The following SV2B variants were observed in gnomAD, a reference collection of about 807,000 sequenced individuals.
SV2B encodes the protein synaptic vesicle glycoprotein 2B.
Under a neutral mutation model 73.9 loss-of-function variants are expected in SV2B, and 41 were observed. The observed-to-expected ratio is 0.56, with a 90% CI of 0.43 to 0.72. The LOEUF is 0.72. Among genes scored for constraint, SV2B ranks in the 30% least tolerant of loss-of-function variants. The probability of loss-of-function intolerance (pLI) is 0.00; values close to 1 mark genes in which losing one functional copy is unlikely to be tolerated. For synonymous variants in SV2B, 314 were observed against 314.2 expected (o/e 1.00, Z 0.01); for missense variants, 764 against 857.8 (o/e 0.89, Z 1.37).
At position 91,122,614 on chromosome 15, in the gene SV2B, G is replaced by A. The variant is rs1348084230; in HGVS notation, c.-392+22251G>A. On this transcript the variant is annotated intron_variant, in intron 1 of 12. Coordinates refer to ENST00000394232, the MANE Select transcript of SV2B (RefSeq NM_001323032.3). This position sits in a 1 kb window ranked among gnomAD's most constrained non-coding sequence, Gnocchi z 4.3. Reference sequence around the variant, plus strand: ...TTGTCTGAGTGATTTAACAAAACTGGACGTTCCATTAAGATACTTTGCACC... The same window carrying A: ...TTGTCTGAGTGATTTAACAAAACTGAACGTTCCATTAAGATACTTTGCACC... 6.6e-6 allele frequency among the ~76,000 whole-genome samples: 1 copy of A among 152,144 alleles called. No homozygotes were observed. The highest frequency in any genetic ancestry group is 1.5e-5 in the Non-Finnish European group (1 of 68,028).
Position 91,258,324 on chromosome 15 carries a change from T to C in SV2B, c.785-97T>C, listed in dbSNP as rs1269909114. On this transcript the variant is annotated intron_variant, in intron 4 of 12. Transcript: ENST00000394232. The surrounding 1 kb of genome is among the most constrained non-coding windows in gnomAD (Gnocchi z 4.7). ...TAACCACCTCCCCGGGTGACTCTCT[T>C]GTGCCCTGAAGTTTGTGAGCCAGGG... 2.0e-6 allele frequency: 3 copies of C among 1,535,548 alleles called. No individual in the cohort carries two copies. The highest frequency in any genetic ancestry group is 2.6e-6 in the Non-Finnish European group (3 of 1,138,254).
At chr15:91,162,278 G>A (rs887684234) in intron 1 of SV2B, among the ~76,000 whole-genome samples, 17 of 152,022 alleles carry the variant, frequency 1.1e-4, no homozygotes, top group African/African-American at 4.1e-4. Flanking sequence ...GATACAGTAA[G>A]GCAATTGCAT....
At chr15:91,127,462 G>A (rs1007587179) in intron 1 of SV2B, among the ~76,000 whole-genome samples, 1 of 151,974 alleles carries the variant, frequency 6.6e-6, no homozygotes, top group African/African-American at 2.4e-5. Context: ...CCAAGCCCCC[G>A]CACTGACGGC....
In SV2B at chr15:91,290,472, A is replaced by G. The variant is rs1440575360; in HGVS notation, c.1868+792A>G. On this transcript the variant is annotated intron_variant, in intron 12 of 12. Transcript: ENST00000394232. This position sits in a 1 kb window ranked among gnomAD's most constrained non-coding sequence, Gnocchi z 4.7. ...AGGAGGACAAATGATTATTATTTGA[A>G]TATGATGTGATTTTACATCTAGGAA... 1.3e-5 allele frequency among the ~76,000 whole-genome samples: 2 copies of G among 152,356 alleles called. No homozygotes were observed. Among genetic ancestry groups the G allele is most frequent in the East Asian group, 1.9e-4 (1 of 5,186 alleles).
At chr15:91,146,943 G>A (rs1359805502) in intron 1 of SV2B, among the ~76,000 whole-genome samples, 1 of 152,128 alleles carries the variant, frequency 6.6e-6, no homozygotes, top group Non-Finnish European at 1.5e-5. Context: ...TGCCTCCTTT[G>A]ATCAAGAGTG....
rs932697449 is a variant in SV2B at position 91,128,018 on chromosome 15, T to C, written c.-392+27655T>C. ...TGCAGAGAAAAACATCCCTCAGGTA[T>C]TTGAACCTATTGCACTGGAGAAAAA... On this transcript the variant is annotated intron_variant, in intron 1 of 12. Transcript: ENST00000394232. This position sits in a 1 kb window ranked among gnomAD's most constrained non-coding sequence, Gnocchi z 4.2. 1.3e-5 allele frequency among the ~76,000 whole-genome samples: 2 copies of C among 152,190 alleles called. No homozygotes were observed. Among genetic ancestry groups the C allele is most frequent in the African/African-American group, 4.8e-5 (2 of 41,442 alleles).
At chr15:91,271,606 C>G (rs2048319112) in intron 9 of SV2B, among the ~76,000 whole-genome samples, 1 of 152,050 alleles carries the variant, frequency 6.6e-6, no homozygotes, top group African/African-American at 2.4e-5. Context: ...AAACCTATAC[C>G]CACTATTATT....
At chr15:91,151,285 C>T (rs528327565) in intron 1 of SV2B, among the ~76,000 whole-genome samples, 1 of 152,316 alleles carries the variant, frequency 6.6e-6, no homozygotes, top group South Asian at 2.1e-4. Flanking sequence ...AGTCAAATTA[C>T]CAGGTGGCTT....
intron 9 of SV2B, among the ~76,000 whole-genome samples, chr15:91,279,467 G>A (rs1253646339): frequency 6.6e-6 from 1 of 152,176 alleles, no homozygotes; most frequent in Non-Finnish European, 1.5e-5. Context: ...TTCATCTTTT[G>A]AACTCTCCTG....
chr15:91,144,749 A>G (rs2043096834), intron 1 of SV2B, among the ~76,000 whole-genome samples: 1 of 152,138 alleles, frequency 6.6e-6, no homozygotes, highest in Admixed American at 6.5e-5. Context: ...ACCTTATTCC[A>G]TGGCACTCAG....
In SV2B at chr15:91,169,204, T is replaced by C. The variant is rs139301138; in HGVS notation, c.-391-56669T>C. On this transcript the variant is annotated intron_variant, in intron 1 of 12. Transcript: ENST00000394232. ...CGTGGTTACTACGCTCCAGGGACCA[T>C]GCCGAGGGTTTTAGATACATTATAT... is the stretch of plus-strand genomic sequence containing the variant. 8.5e-5 allele frequency among the ~76,000 whole-genome samples: 13 copies of C among 152,314 alleles called. 1 individual carries two copies. The highest frequency in any genetic ancestry group is 2.9e-4 in the African/African-American group (12 of 41,570).
Position 91,261,453 on chromosome 15 carries a change from A to T in SV2B, c.1008+1044A>T, listed in dbSNP as rs2047906841. 6.6e-6 allele frequency among the ~76,000 whole-genome samples: 1 copy of T among 152,186 alleles called. No individual in the cohort carries two copies. On this transcript the variant is annotated intron_variant, in intron 6 of 12. Coordinates refer to ENST00000394232, the MANE Select transcript of SV2B (RefSeq NM_001323032.3). This position sits in a 1 kb window ranked among gnomAD's most constrained non-coding sequence, Gnocchi z 4.7. ...ACATGGTTTTCCTAACATGTCTCTA[A>T]TGTTAGAAGCTTGTTTATCCAGTTT...
At chr15:91,209,156 C>G (rs1253975771) in intron 1 of SV2B, among the ~76,000 whole-genome samples, 9 of 125,932 alleles carry the variant, frequency 7.1e-5, no homozygotes, top group Admixed American at 2.7e-4. Flanking sequence ...GAGTCTTGCT[C>G]TGTTGCCCAG....
In SV2B at chr15:91,301,743, G is replaced by T. The variant is rs181867342; in HGVS notation, c.*9191G>T. 6.6e-6 allele frequency among the ~76,000 whole-genome samples: 1 copy of T among 152,314 alleles called. No homozygotes were observed. The highest frequency in any genetic ancestry group is 1.9e-4 in the East Asian group (1 of 5,188). On this transcript the variant is annotated 3_prime_UTR_variant, in exon 13 of 13. Transcript: ENST00000394232. The surrounding 1 kb of genome is among the most constrained non-coding windows in gnomAD (Gnocchi z 4.3). Reference sequence around the variant, plus strand: ...GTGTTCTGGATTTCCGGTTTTAAAAGATTTTGGGATATTGGCATTATACCT... The same window carrying T: ...GTGTTCTGGATTTCCGGTTTTAAAATATTTTGGGATATTGGCATTATACCT...
At chr15:91,200,863 A>G (rs543861247) in intron 1 of SV2B, among the ~76,000 whole-genome samples, 118 of 152,322 alleles carry the variant, frequency 7.7e-4, no homozygotes, top group African/African-American at 2.7e-3. Context: ...GTGAGCCATG[A>G]TCGTGCCTCT....
At chr15:91,154,718 G>T (rs2043429863) in intron 1 of SV2B, among the ~76,000 whole-genome samples, 1 of 152,172 alleles carries the variant, frequency 6.6e-6, no homozygotes, top group South Asian at 2.1e-4. Flanking sequence ...GATGACAGAA[G>T]TAGAGATTGG....
Position 91,105,579 on chromosome 15 carries a change from G to C in SV2B, c.-392+5216G>C, listed in dbSNP as rs1414950529. 6.6e-6 allele frequency among the ~76,000 whole-genome samples: 1 copy of C among 152,162 alleles called. No homozygotes were observed. The highest frequency in any genetic ancestry group is 2.4e-5 in the African/African-American group (1 of 41,434). On this transcript the variant is annotated intron_variant, in intron 1 of 12. Coordinates refer to ENST00000394232, the MANE Select transcript of SV2B (RefSeq NM_001323032.3). The surrounding 1 kb of genome is among the most constrained non-coding windows in gnomAD (Gnocchi z 5.5). Reference sequence around the variant, plus strand: ...TGTAGACTTTAGCCTTTATTTTGAGGAAAATGGGACACCACTGGAGAATTC... The same window carrying C: ...TGTAGACTTTAGCCTTTATTTTGAGCAAAATGGGACACCACTGGAGAATTC...
At chr15:91,198,605 A>G (rs1241714826) in intron 1 of SV2B, among the ~76,000 whole-genome samples, 5 of 152,218 alleles carry the variant, frequency 3.3e-5, no homozygotes, top group Admixed American at 3.3e-4. Context: ...AATGAGATGC[A>G]GAATATATTA....
intron 1 of SV2B, among the ~76,000 whole-genome samples, chr15:91,159,750 T>C (rs1411821349): frequency 6.6e-6 from 1 of 152,218 alleles, no homozygotes; most frequent in Non-Finnish European, 1.5e-5. Flanking sequence ...ATCCACTTAT[T>C]ATTTGTCAAA....
Sources: allele counts gnomAD v4.1 joint callset (sites outside exome capture counted in the v4.1 genomes callset), GRCh38; gene constraint gnomAD v4.1.1; non-coding constraint Gnocchi (gnomAD v3.1); transcripts MANE v1.5; gene names NCBI Gene and HGNC (gene_info 2026-07-23, HGNC 2026-07-21).